Variants in PTPRM observed in about 807,000 individuals in gnomAD.
PTPRM encodes the protein receptor-type tyrosine-protein phosphatase mu.
PTPRM carries 47 observed loss-of-function variants against 186.7 expected under a neutral mutation model. The ratio of observed to expected loss-of-function variants is 0.25; its 90% CI spans 0.20 to 0.32. The LOEUF (loss-of-function observed/expected upper bound fraction) is 0.32. Among genes scored for constraint, PTPRM ranks in the 10% least tolerant of loss-of-function variants. PTPRM has a pLI of 1.00. For missense variants in PTPRM, 1,494 were observed against 1,865.0 expected, an observed-to-expected ratio of 0.80 and a Z score of 3.66; for synonymous variants, 668 against 674.9, an observed-to-expected ratio of 0.99 and a Z score of 0.16.
chr18:8,288,545 C>A (rs1330423947), intron 19 of PTPRM, among the ~76,000 whole-genome samples: 1 of 152,220 alleles, frequency 6.6e-6, no homozygotes, highest in Non-Finnish European at 1.5e-5. Context: ...CTTTTTGGAG[C>A]CACCTTATTC....
At chr18:8,376,436 A>G (rs1436723410) in intron 25 of PTPRM, 26 bp from the exon 26 acceptor site, 1 of 1,614,086 alleles carries the variant, frequency 6.2e-7, no homozygotes, top group Non-Finnish European at 8.5e-7. Context: ...TTCTTCCTCC[A>G]CTGACAGACC....
chr18:7,852,797 G>A (rs181107328), intron 2 of PTPRM, among the ~76,000 whole-genome samples: 275 of 152,294 alleles, frequency 1.8e-3, no homozygotes, highest in Non-Finnish European at 3.4e-3. Flanking sequence ...CTGGGAGTTC[G>A]AGGCTGCACT....
intron 32 of PTPRM, chr18:8,404,153 C>A (rs999000534): frequency 6.6e-6 from 1 of 152,174 alleles, no homozygotes; most frequent in Non-Finnish European, 1.5e-5. Context: ...GTGGCTGCAC[C>A]GTTTGACATT....
At chr18:7,818,549 C>G (rs2044984873) in intron 2 of PTPRM, among the ~76,000 whole-genome samples, 1 of 152,150 alleles carries the variant, frequency 6.6e-6, no homozygotes, top group Non-Finnish European at 1.5e-5. Flanking sequence ...ACAGTGAATT[C>G]TGAGAGAGGA....
At chr18:7,965,270 T>C (rs9807495) in intron 7 of PTPRM, among the ~76,000 whole-genome samples, 3 of 151,936 alleles carry the variant, frequency 2.0e-5, no homozygotes, top group Non-Finnish European at 4.4e-5. Context: ...GGTAGTGAAC[T>C]CCTGACCTCA....
intron 1 of PTPRM, among the ~76,000 whole-genome samples, chr18:7,646,168 AC>A (rs1214795229): frequency 6.6e-6 from 1 of 152,152 alleles, no homozygotes; most frequent in Non-Finnish European, 1.5e-5. Context: ...GTCAATACTC[AC>A]AAAAACCCAT....
intron 23 of PTPRM, among the ~76,000 whole-genome samples, chr18:8,356,753 C>T (rs988708531): frequency 6.6e-6 from 1 of 152,136 alleles, no homozygotes; most frequent in African/African-American, 2.4e-5. Flanking sequence ...AATCCCAGGA[C>T]AGCCAATAGC....
intron 19 of PTPRM, among the ~76,000 whole-genome samples, chr18:8,288,527 A>G (rs987999663): frequency 1.3e-5 from 2 of 152,168 alleles, no homozygotes; most frequent in African/African-American, 4.8e-5. Flanking sequence ...TTATATCAAA[A>G]TCATCTCCTT....
rs562320806 is a variant in PTPRM, at chr18:8,241,318, G to A, written c.2301-2740G>A. Reference sequence around the variant, plus strand: ...GTGCCACTGCACTCCAGCCTGGGATGACAAAATGAGACTCTGTCTCAACAA... The same window carrying A: ...GTGCCACTGCACTCCAGCCTGGGATAACAAAATGAGACTCTGTCTCAACAA... On this transcript the variant is annotated intron_variant, in intron 14 of 32. Coordinates refer to ENST00000580170, the MANE Select transcript of PTPRM (RefSeq NM_001105244.2). 2.0e-5 allele frequency among the ~76,000 whole-genome samples: 3 copies of A among 152,012 alleles called. No individual in the cohort carries two copies. In the South Asian group the frequency reaches 6.2e-4, roughly 32 times the overall value.
At chr18:7,617,327 G>T (rs1053121536) in intron 1 of PTPRM, among the ~76,000 whole-genome samples, 16 of 152,310 alleles carry the variant, frequency 1.1e-4, no homozygotes, top group Admixed American at 1.0e-3. Flanking sequence ...CCTCCTCGAT[G>T]TTCAGGTCTT....
intron 13 of PTPRM, among the ~76,000 whole-genome samples, chr18:8,123,632 T>C (rs2092249909): frequency 6.6e-6 from 1 of 152,220 alleles, no homozygotes; most frequent in African/African-American, 2.4e-5. Context: ...TTACAGACTC[T>C]TCCTGCTCCT....
intron 1 of PTPRM, among the ~76,000 whole-genome samples, chr18:7,620,756 T>C (rs2037918251): frequency 6.6e-6 from 1 of 152,100 alleles, no homozygotes; most frequent in African/African-American, 2.4e-5. Context: ...AAGTCTCTCA[T>C]TCCAAGATGT....
chr18:7,984,584 TA>T (rs2082736157), intron 7 of PTPRM, among the ~76,000 whole-genome samples: 1 of 120,424 alleles, frequency 8.3e-6, no homozygotes, highest in Non-Finnish European at 1.6e-5. Flanking sequence ...TATATATATA[TA>T]TATATATATA....
intron 1 of PTPRM, among the ~76,000 whole-genome samples, chr18:7,717,341 A>C (rs1414465862): frequency 6.6e-6 from 1 of 152,126 alleles, no homozygotes; most frequent in Non-Finnish European, 1.5e-5. Context: ...TCAGAGGGAC[A>C]GCTTGATGGT....
intron 23 of PTPRM, among the ~76,000 whole-genome samples, chr18:8,346,400 C>T (rs1052378333): frequency 4.6e-5 from 7 of 152,238 alleles, no homozygotes; most frequent in African/African-American, 1.7e-4. Flanking sequence ...TTGCGGCAAC[C>T]TCACGTGTCA....
chr18:7,769,670 T>C (rs1295759698), intron 1 of PTPRM, among the ~76,000 whole-genome samples: 3 of 152,200 alleles, frequency 2.0e-5, no homozygotes, highest in Non-Finnish European at 4.4e-5. Flanking sequence ...TTAACAGTTT[T>C]ATCGATTTAA....
rs116266214 is a variant in PTPRM, at chr18:7,924,932, T to C, written c.548-1636T>C. Among the ~76,000 whole-genome samples, 419 of 152,306 alleles carry C rather than the reference T, an allele frequency of 2.8e-3. 1 individual carries two copies. The highest frequency in any genetic ancestry group is 9.4e-3 in the African/African-American group (390 of 41,568). On this transcript the variant is annotated intron_variant, in intron 4 of 32. Transcript: ENST00000580170. Reference sequence around the variant, plus strand: ...ACCGAGCCTGGTGTTTGGAACTGGATATACTGGAGTTTGTTCTTTTTCTTA... The same window carrying C: ...ACCGAGCCTGGTGTTTGGAACTGGACATACTGGAGTTTGTTCTTTTTCTTA...
chr18:7,710,647 C>G (rs78671174), intron 1 of PTPRM, among the ~76,000 whole-genome samples: 1 of 152,146 alleles, frequency 6.6e-6, no homozygotes, highest in Non-Finnish European at 1.5e-5. Context: ...CTAGAAAACC[C>G]TAAAGATTCA....
At chr18:7,955,577 G>A (rs1400769341) in intron 7 of PTPRM, among the ~76,000 whole-genome samples, 163 bp downstream of exon 7, 2 of 152,168 alleles carry the variant, frequency 1.3e-5, no homozygotes, top group Admixed American at 6.5e-5. Flanking sequence ...AACAGCTTGT[G>A]AACTTGGGGA....
Sources: allele counts gnomAD v4.1 joint callset (sites outside exome capture counted in the v4.1 genomes callset), GRCh38; gene constraint gnomAD v4.1.1; transcripts MANE v1.5; gene names NCBI Gene and HGNC (gene_info 2026-07-23, HGNC 2026-07-21).